Variants in ZNF618 observed in about 807,000 individuals in gnomAD.
ZNF618 encodes neural precursor cell expressed, developmentally down-regulated 10.
In ZNF618, 34 loss-of-function variants were observed where a neutral mutation model predicts 103.0. The observed-to-expected ratio is 0.33, with a 90% CI of 0.25 to 0.44. ZNF618 has a LOEUF of 0.44. Among genes scored for constraint, ZNF618 ranks in the 20% least tolerant of loss-of-function variants. The pLI, the probability that ZNF618 is intolerant of heterozygous loss-of-function variation, is 1.00. For missense variants in ZNF618, 1,059 were observed against 1,295.4 expected (o/e 0.82, Z 2.80); for synonymous variants, 551 against 542.2 (o/e 1.02, Z -0.23).
At chr9:113,994,140 A>G (rs1006769434) in intron 3 of ZNF618, among the ~76,000 whole-genome samples, 4 of 152,238 alleles carry the variant, frequency 2.6e-5, no homozygotes, top group Admixed American at 2.6e-4. Context: ...GGCAGCCCAG[A>G]GAGCCAGGAA....
chr9:113,942,028 T>C (rs1238579270), intron 1 of ZNF618, among the ~76,000 whole-genome samples: 1 of 152,116 alleles, frequency 6.6e-6, no homozygotes, highest in African/African-American at 2.4e-5. Context: ...GGAGACGAAA[T>C]AGGACACAAC....
intron 10 of ZNF618, among the ~76,000 whole-genome samples, chr9:114,020,936 G>A (rs1843024719): frequency 6.6e-6 from 1 of 151,868 alleles, no homozygotes; most frequent in Non-Finnish European, 1.5e-5. Flanking sequence ...TTTTATAGAT[G>A]CCCATTATCA....
At chr9:114,039,295 AT>A (rs1231569206) in intron 13 of ZNF618, among the ~76,000 whole-genome samples, 1 of 148,204 alleles carries the variant, frequency 6.7e-6, no homozygotes, top group Non-Finnish European at 1.5e-5. Flanking sequence ...TGGGTTTAGG[AT>A]TTTGGAGGTG....
At position 114,050,917 on chromosome 9, in the gene ZNF618, A is replaced by T. The variant is rs1846093634; in HGVS notation, c.*750A>T. 1 of 152,644 alleles carries T rather than the reference A, an allele frequency of 6.6e-6. No individual in the cohort carries two copies. Among genetic ancestry groups the T allele is most frequent in the Non-Finnish European group, 1.5e-5 (1 of 68,062 alleles). 9.5% of individuals were successfully genotyped at this position (152,644 alleles called of 1,614,324 possible). On this transcript the variant is annotated 3_prime_UTR_variant, in exon 15 of 15. Transcript: ENST00000374126. ...GGGTGTCCCGGGGCAGCCGCCTTAG[A>T]AACACACCTATCTATCTCCCCAAAT... is the stretch of plus-strand genomic sequence containing the variant.
intron 1 of ZNF618, among the ~76,000 whole-genome samples, chr9:113,901,262 C>T (rs1830519549): frequency 6.6e-6 from 1 of 152,228 alleles, no homozygotes; most frequent in African/African-American, 2.4e-5. Context: ...CTCTCCTTTT[C>T]CTCAAGTTCT....
intron 2 of ZNF618, among the ~76,000 whole-genome samples, chr9:113,973,512 A>T (rs1160628084): frequency 6.6e-6 from 1 of 152,212 alleles, no homozygotes; most frequent in Non-Finnish European, 1.5e-5. Flanking sequence ...CTTAAGAAAC[A>T]ACCGAATGTG....
At chr9:113,917,235 CTTTTTTTTTTT>C (rs56300784) in intron 1 of ZNF618, among the ~76,000 whole-genome samples, 92 of 74,270 alleles carry the variant, frequency 1.2e-3, no homozygotes, top group African/African-American at 4.2e-3. Flanking sequence ...TCTCTCTATC[CTTTTTTTTTTT>C]TTTTTTTTTT....
In ZNF618 at chr9:114,052,447, CAG is replaced by C. The variant is rs926746918; in HGVS notation, c.*2281_*2282del. 4 of 152,662 alleles carry C rather than the reference CAG, an allele frequency of 2.6e-5. No homozygotes were observed. The highest frequency in any genetic ancestry group is 1.9e-4 in the East Asian group (1 of 5,204). The allele number at this position is 152,662 out of a possible 1,614,324, so 9.5% of individuals were successfully genotyped here. A position where few individuals can be genotyped will look rare whatever the true frequency, so the allele number is the denominator to read the frequency against. On this transcript the variant is annotated 3_prime_UTR_variant, in exon 15 of 15. Coordinates refer to ENST00000374126, the MANE Select transcript of ZNF618 (RefSeq NM_001318042.2). ...GCCGCCATCCACACTGGAGCAGGAA[CAG>C]GGAGAAATCCAGACAGGAACCTCAT...
intron 10 of ZNF618, chr9:114,017,005 T>G: frequency 1.8e-6 from 1 of 552,306 alleles, no homozygotes; most frequent in Non-Finnish European, 3.2e-6. Flanking sequence ...GTCCGAGCCC[T>G]CCCTTAGTGG....
At chr9:114,000,080 T>G (rs558376766) in intron 4 of ZNF618, among the ~76,000 whole-genome samples, 1 of 152,318 alleles carries the variant, frequency 6.6e-6, no homozygotes, top group South Asian at 2.1e-4. Flanking sequence ...TTTTTCCCTG[T>G]GTGACAAGGG....
intron 1 of ZNF618, among the ~76,000 whole-genome samples, chr9:113,965,468 C>T (rs1037456205): frequency 5.3e-5 from 8 of 152,134 alleles, no homozygotes; most frequent in African/African-American, 1.4e-4. Flanking sequence ...ATGGGTGGGG[C>T]TGGGAAGAGG....
intron 1 of ZNF618, among the ~76,000 whole-genome samples, chr9:113,919,509 G>GGGCTTGCCATCCGTGCTGGCA (rs1832444866): frequency 6.6e-6 from 1 of 152,208 alleles, no homozygotes; most frequent in African/African-American, 2.4e-5. Flanking sequence ...ACTGGCTGGC[G>GGGCTTGCCATCCGTGCTGGCA]GGCTTGCCAT....
In ZNF618 at chr9:113,969,135, G is replaced by A. The variant is rs779149229; in HGVS notation, c.52G>A (p.Ala18Thr). The A allele has an allele frequency of 3.1e-6, 5 of 1,613,990 alleles. No homozygotes were observed. Among genetic ancestry groups the A allele is most frequent in the Middle Eastern group, 1.6e-4 (1 of 6,062 alleles). ...AAPQADGASA[A>T]GRKSTASRER... The stretch of plus-strand genomic sequence containing the variant: ...TTTGCAGGCTGACGGAGCCAGTGCA[G>A]CCGGAAGGAAAAGCACTGCGAGCAG... Residue 18 changes from alanine (A) to threonine (T), a missense_variant, in exon 2 of 15, where the codon GCC becomes ACC. By Grantham distance (58) the Ala-to-Thr change is moderately conservative. Transcript: ENST00000374126.
intron 5 of ZNF618, 77 bp downstream of exon 5, chr9:114,002,150 G>A (rs1055079009): frequency 3.3e-5 from 45 of 1,355,406 alleles, no homozygotes; most frequent in South Asian, 7.0e-5. Flanking sequence ...TGGGCCCCTC[G>A]TGGGTGACCC....
intron 1 of ZNF618, among the ~76,000 whole-genome samples, chr9:113,941,936 G>T (rs1465667633): frequency 6.6e-6 from 1 of 152,182 alleles, no homozygotes; most frequent in African/African-American, 2.4e-5. Context: ...AGGTGCAGCT[G>T]GACAGCTGGT....
intron 1 of ZNF618, among the ~76,000 whole-genome samples, chr9:113,905,708 C>T (rs974657868): frequency 2.0e-5 from 3 of 152,184 alleles, no homozygotes; most frequent in Non-Finnish European, 2.9e-5. Context: ...TATACACATG[C>T]GCTGATCAGC....
At chr9:113,900,743 G>A (rs957252911) in intron 1 of ZNF618, among the ~76,000 whole-genome samples, 1 of 137,114 alleles carries the variant, frequency 7.3e-6, no homozygotes, top group Non-Finnish European at 1.6e-5. Flanking sequence ...TCCTAGCACC[G>A]TCCTCTCGCG....
chr9:114,055,741 AAAAC>A lies in ZNF618; in HGVS notation c.*5580_*5583del, dbSNP rs910275370. ...AAAAAATACAAAAAAAATTTACAAA[AAAAC>A]AAACACAAAAAAAATATCTTTTTTA... On this transcript the variant is annotated 3_prime_UTR_variant, in exon 15 of 15. Transcript: ENST00000374126. The A allele has an allele frequency of 2.8e-4, 43 of 152,600 alleles. 1 individual carries two copies. Among genetic ancestry groups the A allele is most frequent in the African/African-American group, 6.7e-4 (28 of 41,562 alleles). The allele number at this position is 152,600 out of a possible 1,614,324, so 9.5% of individuals were successfully genotyped here. A position where few individuals can be genotyped will look rare whatever the true frequency, so the allele number is the denominator to read the frequency against.
chr9:113,911,014 A>G lies in ZNF618; in HGVS notation c.33+34601A>G, dbSNP rs1279340370. 2.6e-5 allele frequency among the ~76,000 whole-genome samples: 4 copies of G among 151,764 alleles called. No homozygotes were observed. The South Asian group carries it at 8.3e-4, about 31-fold the overall frequency. On this transcript the variant is annotated intron_variant, in intron 1 of 14. Coordinates refer to ENST00000374126, the MANE Select transcript of ZNF618 (RefSeq NM_001318042.2). ...CCTGGCTAATTTTTTTTGTATTTTT[A>G]GTAGAGATGGAGGTTCACCATGTTG...
Sources: allele counts gnomAD v4.1 joint callset (sites outside exome capture counted in the v4.1 genomes callset), GRCh38; gene constraint gnomAD v4.1.1; transcripts MANE v1.5; gene names NCBI Gene and HGNC (gene_info 2026-07-23, HGNC 2026-07-21).